ASIC5: variants seen among roughly 807,000 people sequenced by gnomAD.
The protein encoded by ASIC5 is acid sensing ion channel subunit family member 5.
Under a neutral mutation model 51.2 loss-of-function variants are expected in ASIC5, and 52 were observed. The ratio of observed to expected loss-of-function variants is 1.02; its 90% CI spans 0.81 to 1.28. ASIC5 has a LOEUF of 1.28. Among genes scored for constraint, ASIC5 ranks in the 50% most tolerant of loss-of-function variants. The pLI, the probability that ASIC5 is intolerant of heterozygous loss-of-function variation, is 0.00. For synonymous variants in ASIC5, 231 were observed against 200.7 expected (o/e 1.15, Z -1.28); for missense variants, 635 against 595.0 (o/e 1.07, Z -0.70).
rs756294466 is a variant in ASIC5, at chr4:155,830,027, C to T, written c.1347G>A (p.Leu449=). ...TCAGACTGGCCCCACAAAATAGACCCAGCTGACCACCAAGATCTGCTGTAA... is the reference window on the plus strand; with the variant it reads ...TCAGACTGGCCCCACAAAATAGACCTAGCTGACCACCAAGATCTGCTGTAA... ...SELLADLGGQ[L]GLFCGASLIT... Residue 449 remains leucine (L), a synonymous_variant, in exon 10 of 10, where the codon CTG becomes CTA. Coordinates refer to ENST00000537611, the MANE Select transcript of ASIC5 (RefSeq NM_017419.3). 1.1e-5 allele frequency: 17 copies of T among 1,551,480 alleles called. No individual in the cohort carries two copies. Among genetic ancestry groups the T allele is most frequent in the Admixed American group, 7.9e-5 (4 of 50,720 alleles).
chr4:155,846,208 G>A (rs187296924), intron 4 of ASIC5, among the ~76,000 whole-genome samples: 18 of 152,108 alleles, frequency 1.2e-4, no homozygotes, highest in Admixed American at 7.2e-4. Flanking sequence ...AGTAATATCA[G>A]AAATGTCTTA....
At chr4:155,840,075 A>G (rs1453909194) in intron 6 of ASIC5, among the ~76,000 whole-genome samples, 2 of 152,212 alleles carry the variant, frequency 1.3e-5, no homozygotes, top group African/African-American at 4.8e-5. Context: ...TGCATTTGAT[A>G]TATATGCTAA....
intron 2 of ASIC5, among the ~76,000 whole-genome samples, chr4:155,855,848 C>T (rs902417247): frequency 2.6e-5 from 4 of 151,854 alleles, no homozygotes; most frequent in Non-Finnish European, 4.4e-5. Context: ...CCTTGCAAAG[C>T]TGTCTTTTAT....
rs146626721 is a variant in ASIC5, at chr4:155,829,930, T to C, written c.1444A>G (p.Ile482Val). The change falls in exon 10 of 10, where the codon ATA becomes GTA. Residue 482 changes from isoleucine to valine, a missense_variant. Physicochemically the swap from Ile to Val is conservative, Grantham distance 29. Transcript: ENST00000537611. ...YWICIFFLLK[I>V]SEMTQWTPPP... Reference sequence around the variant, plus strand: ...GGAGTCCACTGGGTCATTTCAGATATCTTCAGCAAAAAGAAAATGCATATC... The same window carrying C: ...GGAGTCCACTGGGTCATTTCAGATACCTTCAGCAAAAAGAAAATGCATATC... 9.8e-5 allele frequency: 158 copies of C among 1,608,462 alleles called. No homozygotes were observed. The highest frequency in any genetic ancestry group is 1.3e-4 in the Non-Finnish European group (151 of 1,177,836).
At chr4:155,843,623 A>G (rs993100919) in intron 5 of ASIC5, 58 bp downstream of exon 5, 2 of 1,569,126 alleles carry the variant, frequency 1.3e-6, no homozygotes, top group Non-Finnish European at 1.7e-6. Context: ...GAAAAGCATT[A>G]CTTATGTGTT....
At chr4:155,837,272 A>T (rs1325718726) in intron 7 of ASIC5, among the ~76,000 whole-genome samples, 1 of 152,080 alleles carries the variant, frequency 6.6e-6, no homozygotes, top group African/African-American at 2.4e-5. Flanking sequence ...GAAAGTGTGT[A>T]AACATCTTCA....
intron 7 of ASIC5, among the ~76,000 whole-genome samples, chr4:155,838,186 G>A (rs574873424): frequency 1.3e-3 from 202 of 152,254 alleles, no homozygotes; most frequent in African/African-American, 4.5e-3. Context: ...TTGGGATTCT[G>A]TTTTAATAAA....
At chr4:155,841,792 T>G (rs1219938442) in intron 6 of ASIC5, among the ~76,000 whole-genome samples, 3 of 152,148 alleles carry the variant, frequency 2.0e-5, no homozygotes, top group Non-Finnish European at 4.4e-5. Flanking sequence ...ATCGCAATTT[T>G]CTCTTCCAGA....
chr4:155,842,144 T>C, intron 6 of ASIC5, 63 bp downstream of exon 6: 1 of 1,480,912 alleles, frequency 6.8e-7, no homozygotes, highest in South Asian at 1.2e-5. Context: ...CCAGACCTTT[T>C]GTAACCCTCT....
intron 5 of ASIC5, 70 bp from the exon 6 acceptor site, chr4:155,842,424 C>A: frequency 7.2e-7 from 1 of 1,391,338 alleles, no homozygotes. Flanking sequence ...CATCAAGAAG[C>A]TGGTACACAT....
At chr4:155,840,711 C>A (rs1741096581) in intron 6 of ASIC5, among the ~76,000 whole-genome samples, 1 of 151,920 alleles carries the variant, frequency 6.6e-6, no homozygotes, top group African/African-American at 2.4e-5. Context: ...GACTAGATTG[C>A]CTATATAGGG....
intron 6 of ASIC5, 23 bp downstream of exon 6, chr4:155,842,184 G>A (rs1332051802): frequency 2.5e-6 from 4 of 1,609,182 alleles, no homozygotes; most frequent in South Asian, 1.1e-5. Context: ...AGTTAAGTAA[G>A]GGGGCAGTTA....
At chr4:155,855,782 A>G (rs999102502) in intron 2 of ASIC5, among the ~76,000 whole-genome samples, 2 of 151,532 alleles carry the variant, frequency 1.3e-5, no homozygotes, top group Non-Finnish European at 2.9e-5. Flanking sequence ...TTACTCTAAA[A>G]GACATTTTTT....
chr4:155,842,097 C>T, intron 6 of ASIC5, 110 bp downstream of exon 6: 7 of 1,050,116 alleles, frequency 6.7e-6, no homozygotes, highest in Non-Finnish European at 9.7e-6. Flanking sequence ...CTTAATAATA[C>T]TTAATATTCC....
intron 1 of ASIC5, chr4:155,864,801 G>T (rs1741819932): frequency 6.6e-6 from 1 of 152,128 alleles, no homozygotes; most frequent in South Asian, 2.1e-4. Context: ...TTCTGCTAAT[G>T]TAGTGGTGAT....
chr4:155,864,178 A>T (rs1741797804), intron 1 of ASIC5, among the ~76,000 whole-genome samples: 1 of 152,078 alleles, frequency 6.6e-6, no homozygotes, highest in Non-Finnish European at 1.5e-5. Flanking sequence ...TATGGCTAAA[A>T]GTAATCTGTT....
intron 8 of ASIC5, among the ~76,000 whole-genome samples, chr4:155,834,596 A>T (rs751253436): frequency 2.0e-3 from 311 of 152,276 alleles, no homozygotes; most frequent in Non-Finnish European, 3.5e-3. Flanking sequence ...GATTAATTGG[A>T]TAATAATTAA....
chr4:155,836,935 CA>C, intron 7 of ASIC5, 78 bp from the exon 8 acceptor site: 2 of 1,103,500 alleles, frequency 1.8e-6, no homozygotes, highest in South Asian at 3.7e-5. Context: ...TAAAGTTTAT[CA>C]TTTCACTTTC....
intron 8 of ASIC5, among the ~76,000 whole-genome samples, chr4:155,834,392 C>G (rs1449808490): frequency 1.3e-5 from 2 of 151,922 alleles, no homozygotes; most frequent in Non-Finnish European, 2.9e-5. Flanking sequence ...TTCTGATTTA[C>G]CACTCTCTAA....
Sources: gnomAD v4.1 joint callset for allele counts (sites outside exome capture counted in the v4.1 genomes callset) on GRCh38, gnomAD v4.1.1 for gene constraint, MANE v1.5 for transcripts, NCBI Gene and HGNC (gene_info 2026-07-23, HGNC 2026-07-21) for gene names.